Variants in NAALADL2 observed in about 807,000 individuals in gnomAD.
NAALADL2 encodes inactive N-acetylated-alpha-linked acidic dipeptidase-like protein 2.
In NAALADL2, 76 loss-of-function variants were observed where a neutral mutation model predicts 87.2. The ratio of observed to expected loss-of-function variants is 0.87; its 90% confidence interval spans 0.72 to 1.05. The LOEUF (loss-of-function observed/expected upper bound fraction) is 1.05. Ranked by LOEUF, NAALADL2 falls within the 50% of genes least tolerant of loss-of-function variation. The pLI, the probability that NAALADL2 is intolerant of heterozygous loss-of-function variation, is 0.00. For synonymous variants in NAALADL2, 354 were observed against 331.0 expected, an observed-to-expected ratio of 1.07 and a Z score of -0.75; for missense variants, 1,089 against 945.8, an observed-to-expected ratio of 1.15 and a Z score of -1.99.
At chr3:175,307,846 T>C (rs139852351) in intron 4 of NAALADL2, among the ~76,000 whole-genome samples, 191 of 152,300 alleles carry the variant, frequency 1.3e-3, no homozygotes, top group Middle Eastern at 3.4e-3. Flanking sequence ...CAATGTTCTG[T>C]TGTAGAAGTT....
At chr3:174,636,938 G>A (rs942684354) in intron 2 of NAALADL2, among the ~76,000 whole-genome samples, 1 of 152,024 alleles carries the variant, frequency 6.6e-6, no homozygotes, top group African/African-American at 2.4e-5. Flanking sequence ...AGCAATAAAT[G>A]AATGGATAAA....
chr3:174,459,728 A>G (rs1192640745), intron 1 of NAALADL2: 2 of 152,198 alleles, frequency 1.3e-5, no homozygotes, highest in Admixed American at 6.6e-5. Context: ...ATGGGATTCA[A>G]CTGAAGCTTT....
intron 1 of NAALADL2, among the ~76,000 whole-genome samples, chr3:175,092,971 C>T (rs1447431246): frequency 4.6e-5 from 7 of 151,644 alleles, no homozygotes; most frequent in Admixed American, 6.6e-5. Context: ...TATTTCCATC[C>T]GTAGAAATGT....
At chr3:174,806,794 T>C (rs1420471041) in intron 3 of NAALADL2, among the ~76,000 whole-genome samples, 1 of 152,174 alleles carries the variant, frequency 6.6e-6, no homozygotes, top group African/African-American at 2.4e-5. Flanking sequence ...TCCAAATATC[T>C]TCTCACTGAT....
chr3:174,736,240 C>T (rs954525698), intron 2 of NAALADL2, among the ~76,000 whole-genome samples: 17 of 152,078 alleles, frequency 1.1e-4, no homozygotes, highest in Admixed American at 5.9e-4. Context: ...TGCAATGTGG[C>T]GAGCAAGGGG....
intron 1 of NAALADL2, among the ~76,000 whole-genome samples, chr3:174,517,393 A>C (rs2108403505): frequency 6.6e-6 from 1 of 152,184 alleles, no homozygotes; most frequent in Non-Finnish European, 1.5e-5. Context: ...TTTGCTTATT[A>C]GATTTAATTG....
chr3:174,981,741 G>T (rs981324091), intron 1 of NAALADL2, among the ~76,000 whole-genome samples: 4 of 151,870 alleles, frequency 2.6e-5, no homozygotes, highest in African/African-American at 9.7e-5. Flanking sequence ...CTGAAATTAG[G>T]CAGTACAGTG....
At chr3:175,074,559 C>A (rs1214422068) in intron 1 of NAALADL2, among the ~76,000 whole-genome samples, 1 of 150,220 alleles carries the variant, frequency 6.7e-6, no homozygotes, top group Non-Finnish European at 1.5e-5. Flanking sequence ...ATTATTTATT[C>A]AAAAAAAAAT....
chr3:174,928,604 A>C (rs1421182790), intron 1 of NAALADL2, among the ~76,000 whole-genome samples: 1 of 152,230 alleles, frequency 6.6e-6, no homozygotes, highest in East Asian at 1.9e-4. Flanking sequence ...CAAGTGATAT[A>C]CAACTTTATT....
chr3:175,535,977 A>G (rs1323168875), intron 9 of NAALADL2, among the ~76,000 whole-genome samples: 1 of 152,192 alleles, frequency 6.6e-6, no homozygotes, highest in African/African-American at 2.4e-5. Flanking sequence ...ACGCAGTTTA[A>G]TACCATTGAC....
rs1201777609 is a variant in NAALADL2 at position 174,698,819 on chromosome 3, C to G, written c.-114-38822C>G. 9.2e-5 allele frequency among the ~76,000 whole-genome samples: 9 copies of G among 97,708 alleles called. 3 individuals carry two copies. Among genetic ancestry groups the G allele is most frequent in the Admixed American group, 7.2e-4 (6 of 8,300 alleles). 64.1% of individuals were successfully genotyped at this position (97,708 alleles called of 152,430 possible). ...GCGGAGCTTGCAGTGAGCCGAGATC[C>G]CGCCACTGCACTCCAGCCTGGGTGA... On this transcript the variant is annotated intron_variant, in intron 2 of 3. Transcript: ENST00000434257.
Position 175,761,458 on chromosome 3 carries a change from A to G in NAALADL2, c.2189+6040A>G, listed in dbSNP as rs144229066. On this transcript the variant is annotated intron_variant, in intron 13 of 13. Transcript: ENST00000454872. ...TGGCAGTTGTGAATAAAGCTGCTCTACATATTTTGGTGCAGGCTTTTTTGT... is the reference window on the plus strand; with the variant it reads ...TGGCAGTTGTGAATAAAGCTGCTCTGCATATTTTGGTGCAGGCTTTTTTGT... Among the ~76,000 whole-genome samples the G allele has an allele frequency of 6.9e-4, 105 of 152,310 alleles. 1 individual carries two copies. The highest frequency in any genetic ancestry group is 1.3e-3 in the Non-Finnish European group (89 of 68,034).
At chr3:175,698,441 A>G (rs1301870305) in intron 11 of NAALADL2, among the ~76,000 whole-genome samples, 1 of 134,086 alleles carries the variant, frequency 7.5e-6, no homozygotes, top group African/African-American at 2.9e-5. Flanking sequence ...GTATATATTT[A>G]TGTATGTATA....
intron 2 of NAALADL2, among the ~76,000 whole-genome samples, chr3:174,603,838 G>A (rs1213864081): frequency 6.6e-6 from 1 of 151,966 alleles, no homozygotes; most frequent in Non-Finnish European, 1.5e-5. Context: ...ATTCAGGAGT[G>A]TATTATTTAA....
At chr3:174,765,144 G>A (rs1710248) in intron 3 of NAALADL2, among the ~76,000 whole-genome samples, 5,607 of 35,646 alleles carry the variant, frequency 0.16, 339 homozygotes, top group African/African-American at 0.28. Context: ...ACACACACAC[G>A]AGAGAGAGAG....
At chr3:174,783,153 T>G (rs1716198916) in intron 3 of NAALADL2, among the ~76,000 whole-genome samples, 1 of 152,176 alleles carries the variant, frequency 6.6e-6, no homozygotes, top group Non-Finnish European at 1.5e-5. Context: ...ATTTAAAAAA[T>G]AATTTGCATC....
Position 175,737,302 on chromosome 3 carries a change from T to C in NAALADL2, c.1897-4T>C. ...AGTATTTTCTTTTTCCTTTTTTCTT[T>C]CAGCTCTCAGGAGAAGTGATTTTGC... On this transcript the variant is annotated splice_region_variant and splice_polypyrimidine_tract_variant and intron_variant, in intron 11 of 13. Transcript: ENST00000454872. 1 of 1,580,520 alleles carries C rather than the reference T, an allele frequency of 6.3e-7. No individual in the cohort carries two copies.
At chr3:175,056,922 C>G (rs1712326494) in intron 1 of NAALADL2, among the ~76,000 whole-genome samples, 1 of 152,338 alleles carries the variant, frequency 6.6e-6, no homozygotes, top group East Asian at 1.9e-4. Context: ...ATGTGGGCAT[C>G]ATGGCCATCA....
At chr3:174,540,266 CT>C (rs1277857941) in intron 1 of NAALADL2, among the ~76,000 whole-genome samples, 1 of 152,134 alleles carries the variant, frequency 6.6e-6, no homozygotes, top group Non-Finnish European at 1.5e-5. Context: ...GAAGGGCTGG[CT>C]TCTGGCTAGC....
Sources: allele counts gnomAD v4.1 joint callset (sites outside exome capture counted in the v4.1 genomes callset), GRCh38; gene constraint gnomAD v4.1.1; transcripts MANE v1.5; gene names NCBI Gene and HGNC (gene_info 2026-07-23, HGNC 2026-07-21).